Variants in FRMD4B observed in about 807,000 individuals in gnomAD.
FRMD4B encodes the protein FERM domain containing 4B, also known as FERM domain-containing protein 4B.
FRMD4B carries 74 observed loss-of-function variants against 141.5 expected under a neutral mutation model. That is an observed-to-expected ratio of 0.52 (90% confidence interval 0.43 to 0.63). FRMD4B has a LOEUF of 0.63. FRMD4B is among the 30% of genes least tolerant of loss of function. The pLI, the probability that FRMD4B is intolerant of heterozygous loss-of-function variation, is 0.00. For missense variants in FRMD4B, 1,366 were observed against 1,253.4 expected (o/e 1.09, Z -1.36); for synonymous variants, 506 against 467.9 (o/e 1.08, Z -1.05).
At chr3:69,347,842 G>C (rs747567476) in intron 1 of FRMD4B, among the ~76,000 whole-genome samples, 1 of 152,168 alleles carries the variant, frequency 6.6e-6, no homozygotes, top group Non-Finnish European at 1.5e-5. Flanking sequence ...AGTGTGTAGA[G>C]GGAAATTTAT....
chr3:69,311,330 C>A lies in FRMD4B; in HGVS notation c.256G>T (p.Asp86Tyr). Residue 86 changes from aspartate to tyrosine, a missense_variant, in exon 3 of 23, where the codon GAC (aspartate) becomes TAC (tyrosine). Physicochemically the swap from Asp to Tyr is radical, Grantham distance 160. Transcript: ENST00000398540. ...QPKLLARELL[D>Y]LVASHFNLKE... ...AGGTTGAAATGTGAAGCCACTAGGT[C>A]CAGCAACTCTCTTGCTAGAAGTTTG... The A allele has an allele frequency of 6.2e-7, 1 of 1,602,250 alleles. No homozygotes were observed. The highest frequency in any genetic ancestry group is 1.1e-5 in the South Asian group (1 of 90,436).
intron 1 of FRMD4B, chr3:69,353,786 C>A (rs1703233776): frequency 1.3e-6 from 1 of 791,378 alleles, no homozygotes; most frequent in Non-Finnish European, 1.5e-6. Flanking sequence ...TGATTAGAAA[C>A]AAAAGCCTTT....
chr3:69,205,702 G>T (rs1189866542), intron 11 of FRMD4B, among the ~76,000 whole-genome samples: 1 of 152,282 alleles, frequency 6.6e-6, no homozygotes, highest in African/African-American at 2.4e-5. Context: ...ACAGTGCACA[G>T]AATATGATGC....
chr3:69,229,015 G>GTTTTTTTTTTTTT (rs58912710), intron 7 of FRMD4B, among the ~76,000 whole-genome samples: 6 of 121,014 alleles, frequency 5.0e-5, no homozygotes, highest in Non-Finnish European at 1.0e-4. Flanking sequence ...TCAAAATCAT[G>GTTTTTTTTTTTTT]TTTTTTTTTT....
chr3:69,333,202 A>T (rs1400803155), intron 1 of FRMD4B, among the ~76,000 whole-genome samples: 2 of 152,204 alleles, frequency 1.3e-5, no homozygotes, highest in Non-Finnish European at 2.9e-5. Flanking sequence ...ACATTTTAAA[A>T]AAAATTGGAG....
chr3:69,215,545 C>T (rs184465651), intron 11 of FRMD4B, among the ~76,000 whole-genome samples: 74 of 151,998 alleles, frequency 4.9e-4, no homozygotes, highest in African/African-American at 1.8e-3. Flanking sequence ...CCCACCTTGG[C>T]CTCCCAAAGT....
At position 69,428,819 on chromosome 3, in the gene FRMD4B, ACT is replaced by A. The variant is rs376514821; in HGVS notation, c.-1+3813_-1+3814del. On this transcript the variant is annotated intron_variant, in intron 2 of 5. Transcript: ENST00000459638. Reference sequence around the variant, plus strand: ...AACATTTTCATTATCTCAAACTGAAACTCTGTGCCCACTAAAATGTAACTCCC... The same window carrying A: ...AACATTTTCATTATCTCAAACTGAAACTGTGCCCACTAAAATGTAACTCCC... Among the ~76,000 whole-genome samples the A allele has an allele frequency of 4.3e-3, 658 of 151,910 alleles. 4 individuals are homozygous for A. Among genetic ancestry groups the A allele is most frequent in the African/African-American group, 0.015 (632 of 41,432 alleles).
chr3:69,252,238 G>T (rs2093467207), intron 5 of FRMD4B, among the ~76,000 whole-genome samples: 1 of 152,156 alleles, frequency 6.6e-6, no homozygotes, highest in South Asian at 2.1e-4. Context: ...CTTTAGAAGG[G>T]TTATTAAGTA....
At position 69,533,539 on chromosome 3, in the gene FRMD4B, A is replaced by T. The variant is rs1052290894; in HGVS notation, c.-129+8667T>A. On this transcript the variant is annotated intron_variant, in intron 1 of 5. Transcript: ENST00000459638. ...TATAGGGGCTCAATAAAAGGTAGCCATTATCATCAGACACCAGTTAGTGGG... is the reference window on the plus strand; with the variant it reads ...TATAGGGGCTCAATAAAAGGTAGCCTTTATCATCAGACACCAGTTAGTGGG... 7.2e-5 allele frequency among the ~76,000 whole-genome samples: 11 copies of T among 152,360 alleles called. No individual in the cohort carries two copies. The East Asian group carries it at 1.9e-3, about 27-fold the overall frequency.
chr3:69,500,482 A>T (rs982047482), intron 1 of FRMD4B, among the ~76,000 whole-genome samples: 14 of 152,098 alleles, frequency 9.2e-5, no homozygotes, highest in Non-Finnish European at 1.5e-5. Flanking sequence ...GTGAGTCAGG[A>T]TGCTGGCTGA....
At chr3:69,383,612 T>A (rs1308713715) in intron 1 of FRMD4B, among the ~76,000 whole-genome samples, 3 of 152,238 alleles carry the variant, frequency 2.0e-5, no homozygotes, top group Non-Finnish European at 4.4e-5. Context: ...TAGGCTGAAG[T>A]GCAGTGGGAC....
In FRMD4B at chr3:69,195,116, T is replaced by C. The variant is rs1453115819; in HGVS notation, c.1394A>G (p.Glu465Gly). Residue 465 changes from glutamate to glycine, a missense_variant, in exon 16 of 23, where the codon GAG (glutamate) becomes GGG (glycine). Transcript: ENST00000398540. ...EAELTGKMPK[E>G]YPLNIGEKPP... ...CTTCTCGCCTATGTTCAGGGGATAC[T>C]CCTTTGGCATTTTGCCTGTGAGCTC... The C allele has an allele frequency of 6.2e-7, 1 of 1,613,962 alleles. No homozygotes were observed. The highest frequency in any genetic ancestry group is 1.3e-5 in the African/African-American group (1 of 75,054).
At chr3:69,268,267 C>A (rs907211155) in intron 5 of FRMD4B, among the ~76,000 whole-genome samples, 1 of 151,878 alleles carries the variant, frequency 6.6e-6, no homozygotes, top group Non-Finnish European at 1.5e-5. Context: ...AGAGGTGTGG[C>A]GATCTATGGC....
chr3:69,517,740 C>T (rs1676147294), intron 1 of FRMD4B, among the ~76,000 whole-genome samples: 1 of 152,156 alleles, frequency 6.6e-6, no homozygotes, highest in South Asian at 2.1e-4. Flanking sequence ...TTTTCCAGCT[C>T]ACAACATCCT....
At chr3:69,395,666 A>G (rs192184466) in intron 2 of FRMD4B, among the ~76,000 whole-genome samples, 19 of 152,326 alleles carry the variant, frequency 1.2e-4, no homozygotes, top group East Asian at 1.2e-3. Context: ...GTATCTTGCT[A>G]TCCTAAAATT....
chr3:69,233,537 A>G (rs2093325473), intron 7 of FRMD4B, among the ~76,000 whole-genome samples: 1 of 152,090 alleles, frequency 6.6e-6, no homozygotes, highest in South Asian at 2.1e-4. Context: ...TCACCTACAC[A>G]TAATTGTAAC....
intron 11 of FRMD4B, among the ~76,000 whole-genome samples, chr3:69,208,028 C>T (rs939353793): frequency 2.0e-5 from 3 of 151,832 alleles, no homozygotes; most frequent in Non-Finnish European, 4.4e-5. Flanking sequence ...TATGGGCACC[C>T]GCCACCATGT....
chr3:69,213,255 G>T (rs1391076088), intron 11 of FRMD4B, among the ~76,000 whole-genome samples: 1 of 151,706 alleles, frequency 6.6e-6, no homozygotes, highest in Non-Finnish European at 1.5e-5. Context: ...ACAGTTGCTG[G>T]TTGTCATGGA....
At chr3:69,221,995 C>G in intron 8 of FRMD4B, 72 bp from the exon 9 acceptor site, 2 of 810,804 alleles carry the variant, frequency 2.5e-6, no homozygotes, top group Non-Finnish European at 4.2e-6. Flanking sequence ...TCCACATTAT[C>G]AGGTGGCTGT....
Sources: gnomAD v4.1 joint callset for allele counts (sites outside exome capture counted in the v4.1 genomes callset) on GRCh38, gnomAD v4.1.1 for gene constraint, MANE v1.5 for transcripts, NCBI Gene and HGNC (gene_info 2026-07-23, HGNC 2026-07-21) for gene names.